Variants in FRK observed in about 807,000 individuals in gnomAD.
FRK encodes the protein tyrosine-protein kinase FRK.
A neutral mutation model predicts 56.4 loss-of-function variants in FRK; 51 were observed. That is an observed-to-expected ratio of 0.90 (90% confidence interval 0.72 to 1.14). FRK has a LOEUF of 1.14. Ranked by LOEUF, FRK falls within the 50% of genes most tolerant of loss-of-function variation. The probability of loss-of-function intolerance (pLI) is 0.00; values close to 1 mark genes in which losing one functional copy is unlikely to be tolerated. For synonymous variants in FRK, 245 were observed against 217.9 expected, an observed-to-expected ratio of 1.12 and a Z score of -1.10; for missense variants, 570 against 601.4, an observed-to-expected ratio of 0.95 and a Z score of 0.55.
At chr6:116,098,308 G>A in the FRK span, among the ~76,000 whole-genome samples, 2 of 151,750 alleles carry the variant, frequency 1.3e-5, no homozygotes, top group African/African-American at 4.8e-5. Flanking sequence ...GATGGGTCTC[G>A]CTATGTTGCC....
At chr6:116,061,552 C>G (rs946985219), upstream of FRK, among the ~76,000 whole-genome samples, 2 of 128,776 alleles carry the variant, frequency 1.6e-5, no homozygotes, top group Admixed American at 8.1e-5. Context: ...TATGCTAGTT[C>G]TTACTAACTT....
At chr6:116,084,311 T>C in the FRK span, among the ~76,000 whole-genome samples, 5 of 152,158 alleles carry the variant, frequency 3.3e-5, no homozygotes, top group Non-Finnish European at 7.4e-5. Flanking sequence ...TGGTTTAAAA[T>C]AGTATTTATT....
At chr6:115,990,216 T>C (rs1171368029) in intron 2 of FRK, among the ~76,000 whole-genome samples, 2 of 152,014 alleles carry the variant, frequency 1.3e-5, no homozygotes, top group Admixed American at 6.6e-5. Flanking sequence ...TTTTCTCCCA[T>C]TCTGTAGGCT....
At chr6:115,958,820 A>AAAAGAAAGAAAG (rs5879361) in intron 4 of FRK, among the ~76,000 whole-genome samples, 50 of 132,684 alleles carry the variant, frequency 3.8e-4, no homozygotes, top group African/African-American at 1.4e-3. Flanking sequence ...GAAAGAAAGA[A>AAAAGAAAGAAAG]AAAGAAAGAA....
At chr6:115,970,434 TTCA>T (rs1383162573) in intron 2 of FRK, among the ~76,000 whole-genome samples, 2 of 152,210 alleles carry the variant, frequency 1.3e-5, no homozygotes, top group African/African-American at 2.4e-5. Context: ...AATCCAAATG[TTCA>T]TCAACACATA....
intron 5 of FRK, among the ~76,000 whole-genome samples, chr6:115,955,983 A>G (rs1772969663): frequency 6.6e-6 from 1 of 152,216 alleles, no homozygotes; most frequent in African/African-American, 2.4e-5. Flanking sequence ...TAGCAGTGGA[A>G]GTATTTTAAA....
rs1375092007 is a variant in FRK, at chr6:115,944,240, C to T, written c.1140+4G>A. On this transcript the variant is annotated splice_donor_region_variant and intron_variant, in intron 6 of 7. Coordinates refer to ENST00000606080, the MANE Select transcript of FRK (RefSeq NM_002031.3). ...AAAACTAATTAAAACAAAACTAAATCCACCTTAAAAACTCTGGCAAGTCCA... is the reference window on the plus strand; with the variant it reads ...AAAACTAATTAAAACAAAACTAAATTCACCTTAAAAACTCTGGCAAGTCCA... 8.7e-6 allele frequency: 14 copies of T among 1,601,680 alleles called. No homozygotes were observed. The highest frequency in any genetic ancestry group is 5.9e-6 in the Non-Finnish European group (7 of 1,176,534).
chr6:116,082,987 G>A, the FRK span, among the ~76,000 whole-genome samples: 4 of 152,256 alleles, frequency 2.6e-5, no homozygotes, highest in African/African-American at 9.6e-5. Context: ...AGAAGATGAG[G>A]AAGTTCAAGG....
chr6:116,014,897 T>C (rs999998773), intron 1 of FRK, among the ~76,000 whole-genome samples: 6 of 152,212 alleles, frequency 3.9e-5, no homozygotes, highest in Non-Finnish European at 8.8e-5. Context: ...CATAAGGATC[T>C]ACAGGCAAAG....
At chr6:115,971,634 C>T (rs1773807795) in intron 2 of FRK, among the ~76,000 whole-genome samples, 1 of 152,150 alleles carries the variant, frequency 6.6e-6, no homozygotes, top group African/African-American at 2.4e-5. Flanking sequence ...TTTTTCTGCC[C>T]ACTTTTAGGT....
chr6:116,014,827 T>C (rs892665404), intron 1 of FRK, among the ~76,000 whole-genome samples: 1 of 152,208 alleles, frequency 6.6e-6, no homozygotes, highest in African/African-American at 2.4e-5. Context: ...AGAGGAATTC[T>C]TCCATGACTA....
the FRK span, among the ~76,000 whole-genome samples, chr6:116,094,253 G>C: frequency 6.6e-6 from 1 of 152,224 alleles, no homozygotes; most frequent in Non-Finnish European, 1.5e-5. Flanking sequence ...CCAACAAGAT[G>C]ATCCAATAAC....
intron 2 of FRK, among the ~76,000 whole-genome samples, chr6:115,991,507 GC>G (rs545671372): frequency 1.3e-5 from 2 of 151,496 alleles, no homozygotes; most frequent in Non-Finnish European, 3.0e-5. Context: ...GAATGTTTTT[GC>G]TTCATCTATT....
At chr6:116,061,952 A>G (rs1477461185), upstream of FRK, among the ~76,000 whole-genome samples, 1 of 151,698 alleles carries the variant, frequency 6.6e-6, no homozygotes. Context: ...AGAAAGGAAG[A>G]AAGAAAGAAA....
At chr6:115,958,765 AAGAGGGGGGGGAAGGAGAGAG>A (rs60913655) in intron 4 of FRK, among the ~76,000 whole-genome samples, 4 of 38,514 alleles carry the variant, frequency 1.0e-4, no homozygotes, top group South Asian at 2.6e-3. Context: ...GAAAGAAAGA[AAGAGGGGGGGGAAGGAGAGAG>A]AGAAAGAAAG....
chr6:116,064,750 T>C (rs904187387), upstream of FRK, among the ~76,000 whole-genome samples: 97 of 152,176 alleles, frequency 6.4e-4, no homozygotes, highest in Non-Finnish European at 1.1e-3. Flanking sequence ...TTAATCACTC[T>C]CCTACACAAT....
intron 2 of FRK, among the ~76,000 whole-genome samples, chr6:115,997,601 A>G (rs1315617450): frequency 6.6e-6 from 1 of 152,104 alleles, no homozygotes. Context: ...CCCTCATGTC[A>G]GAGATCTGAC....
intron 1 of FRK, among the ~76,000 whole-genome samples, chr6:116,041,463 T>C (rs546485412): frequency 5.9e-5 from 9 of 152,172 alleles, no homozygotes; most frequent in Non-Finnish European, 1.2e-4. Flanking sequence ...GTGCGCAAGA[T>C]GGCTGAATAG....
chr6:116,100,491 C>T, the FRK span, among the ~76,000 whole-genome samples: 1 of 152,240 alleles, frequency 6.6e-6, no homozygotes, highest in Admixed American at 6.5e-5. Context: ...TCAGGTCTAA[C>T]CTCATGATCT....
Sources: allele counts gnomAD v4.1 joint callset (sites outside exome capture counted in the v4.1 genomes callset), GRCh38; gene constraint gnomAD v4.1.1; transcripts MANE v1.5; gene names NCBI Gene and HGNC (gene_info 2026-07-23, HGNC 2026-07-21).